The following SLC25A11 variants were observed in gnomAD, a reference collection of about 807,000 sequenced individuals.
SLC25A11 encodes the protein solute carrier family 25 member 11.
A neutral mutation model predicts 32.7 loss-of-function variants in SLC25A11; 11 were observed. That is an observed-to-expected ratio of 0.34 (90% confidence interval 0.21 to 0.56). The LOEUF (loss-of-function observed/expected upper bound fraction) is 0.56. SLC25A11 is among the 20% of genes least tolerant of loss of function. The probability of loss-of-function intolerance (pLI) is 0.90; values close to 1 mark genes in which losing one functional copy is unlikely to be tolerated. For synonymous variants in SLC25A11, 163 were observed against 168.3 expected, an observed-to-expected ratio of 0.97 and a Z score of 0.24; for missense variants, 295 against 426.3, an observed-to-expected ratio of 0.69 and a Z score of 2.71.
In SLC25A11 at chr17:4,938,453, A is replaced by C; in HGVS notation, c.547-24T>G. 6.2e-7 allele frequency: 1 copy of C among 1,614,020 alleles called. No homozygotes were observed. The highest frequency in any genetic ancestry group is 8.5e-7 in the Non-Finnish European group (1 of 1,179,932). On this transcript the variant is annotated intron_variant, in intron 4 of 7. Coordinates refer to ENST00000225665, the MANE Select transcript of SLC25A11 (RefSeq NM_003562.5). The surrounding 1 kb of genome is among the most constrained non-coding windows in gnomAD (Gnocchi z 7.6). ...CCCTGGAGGGAGGGGAGCGGGGAAGAGTCAGAAACCCCTAAAACCAGACCT... is the reference window on the plus strand; with the variant it reads ...CCCTGGAGGGAGGGGAGCGGGGAAGCGTCAGAAACCCCTAAAACCAGACCT...
Position 4,937,547 on chromosome 17 carries a change from G to A in SLC25A11, c.*194C>T, listed in dbSNP as rs886830901. ...TCCAGCTCCCTGCAAGAATAGCCAA[G>A]GACAGAGAAATCACAGGATCAGGAC... is the stretch of plus-strand genomic sequence containing the variant. On this transcript the variant is annotated 3_prime_UTR_variant, in exon 8 of 8. Transcript: ENST00000225665. 8 of 574,316 alleles carry A rather than the reference G, an allele frequency of 1.4e-5. No homozygotes were observed. Among genetic ancestry groups the A allele is most frequent in the Admixed American group, 1.1e-4 (3 of 27,500 alleles). The allele number at this position is 574,316 out of a possible 1,614,324, so 35.6% of individuals were successfully genotyped here.
In SLC25A11 at chr17:4,937,714, G is replaced by A. The variant is rs751228722; in HGVS notation, c.*27C>T. The stretch of plus-strand genomic sequence containing the variant: ...CCAGGGCGCAGTGGCTATAGGCGCA[G>A]CAGGCGAGTGGGAGCCCCCGGCCGC... On this transcript the variant is annotated 3_prime_UTR_variant, in exon 8 of 8. Coordinates refer to ENST00000225665, the MANE Select transcript of SLC25A11 (RefSeq NM_003562.5). 6.3e-7 allele frequency: 1 copy of A among 1,585,450 alleles called. No individual in the cohort carries two copies. The highest frequency in any genetic ancestry group is 8.6e-7 in the Non-Finnish European group (1 of 1,166,152).
chr17:4,938,726 T>G lies in SLC25A11; in HGVS notation c.455+43A>C. The G allele has an allele frequency of 6.3e-7, 1 of 1,596,702 alleles. No individual in the cohort carries two copies. Among genetic ancestry groups the G allele is most frequent in the Non-Finnish European group, 8.6e-7 (1 of 1,167,246 alleles). ...AAAAACTGGTCCTTTCATTCTAGAT[T>G]CGAGGGAATGGGGCTGGGGTTAGGT... On this transcript the variant is annotated intron_variant, in intron 3 of 7. Transcript: ENST00000225665. The surrounding 1 kb of genome is among the most constrained non-coding windows in gnomAD (Gnocchi z 7.6).
chr17:4,938,373 G>A lies in SLC25A11; in HGVS notation c.603C>T (p.Ser201=). The change falls in exon 5 of 8, where the codon TCC becomes TCT. Residue 201 remains serine (S), a synonymous_variant. Coordinates refer to ENST00000225665, the MANE Select transcript of SLC25A11 (RefSeq NM_003562.5). This position sits in a 1 kb window ranked among gnomAD's most constrained non-coding sequence, Gnocchi z 7.6. ...GTAAGAACTGCTTGGATTGGGAGTA[G>A]GAGGCGAGCTGGGCAGCATTGACGA... ...AVVVNAAQLA[S]YSQSKQFLLD... The A allele has an allele frequency of 6.2e-7, 1 of 1,614,152 alleles. No individual in the cohort carries two copies. The highest frequency in any genetic ancestry group is 2.2e-5 in the East Asian group (1 of 44,876).
rs765908200 is a variant in SLC25A11, at chr17:4,937,713, A to C, written c.*28T>G. On this transcript the variant is annotated 3_prime_UTR_variant, in exon 8 of 8. Coordinates refer to ENST00000225665, the MANE Select transcript of SLC25A11 (RefSeq NM_003562.5). The stretch of plus-strand genomic sequence containing the variant: ...CCCAGGGCGCAGTGGCTATAGGCGC[A>C]GCAGGCGAGTGGGAGCCCCCGGCCG... 20 of 1,584,826 alleles carry C rather than the reference A, an allele frequency of 1.3e-5. No homozygotes were observed. The highest frequency in any genetic ancestry group is 1.6e-5 in the Non-Finnish European group (19 of 1,165,964).
Position 4,938,139 on chromosome 17 carries a change from A to T in SLC25A11, c.737+15T>A. 1 of 1,614,098 alleles carries T rather than the reference A, an allele frequency of 6.2e-7. No homozygotes were observed. The highest frequency in any genetic ancestry group is 8.5e-7 in the Non-Finnish European group (1 of 1,179,948). ...CACCCTCCCACCCACCTCCAGGCCC[A>T]GGCTGCACACTCACCGGGTCTTGGC... On this transcript the variant is annotated intron_variant, in intron 6 of 7. Coordinates refer to ENST00000225665, the MANE Select transcript of SLC25A11 (RefSeq NM_003562.5). The surrounding 1 kb of genome is among the most constrained non-coding windows in gnomAD (Gnocchi z 7.6).
At position 4,937,822 on chromosome 17, in the gene SLC25A11, G is replaced by A; in HGVS notation, c.864C>T (p.Arg288=). 1 of 1,614,208 alleles carries A rather than the reference G, an allele frequency of 6.2e-7. No individual in the cohort carries two copies. Among genetic ancestry groups the A allele is most frequent in the East Asian group, 2.2e-5 (1 of 44,892 alleles). ...AGGTGAGGACGGTGTGGGGGCCCAGGCGGGCATAGTACGGCGTGAAGCCCT... is the reference window on the plus strand; with the variant it reads ...AGGTGAGGACGGTGTGGGGGCCCAGACGGGCATAGTACGGCGTGAAGCCCT... ...LWKGFTPYYA[R]LGPHTVLTFI... Residue 288 remains arginine (R), a synonymous_variant, in exon 8 of 8, where the codon CGC becomes CGT. Transcript: ENST00000225665.
In SLC25A11 at chr17:4,939,845, G is replaced by C. The variant is rs185637894; in HGVS notation, c.66C>G (p.Ser22=). 5 of 1,612,740 alleles carry C rather than the reference G, an allele frequency of 3.1e-6. No individual in the cohort carries two copies. The highest frequency in any genetic ancestry group is 4.2e-6 in the Non-Finnish European group (5 of 1,179,688). The change falls in exon 1 of 8, where the codon TCC becomes TCG. Residue 22 remains serine (S), a synonymous_variant. Coordinates refer to ENST00000225665, the MANE Select transcript of SLC25A11 (RefSeq NM_003562.5). The surrounding 1 kb of genome is among the most constrained non-coding windows in gnomAD (Gnocchi z 4.1). ...IDGKPRTSPK[S]VKFLFGGLAG... is the part of the protein sequence containing the mutation. ...CCAGGCCCCCAAACAGGAACTTGAC[G>C]GACTTAGGGGAGGTACGGGGCTTCC...
chr17:4,940,033 A>G lies in SLC25A11; in HGVS notation c.-123T>C. ...CGCCCCTCCAGCTCTCAGGTCCGAC[A>G]CCCGCTGGAAGCCGGCGCGGGCGCA... On this transcript the variant is annotated 5_prime_UTR_variant, in exon 1 of 8. Coordinates refer to ENST00000225665, the MANE Select transcript of SLC25A11 (RefSeq NM_003562.5). The G allele has an allele frequency of 1.7e-6, 1 of 602,122 alleles. No homozygotes were observed. 37.3% of individuals were successfully genotyped at this position (602,122 alleles called of 1,614,324 possible). A position where few individuals can be genotyped will look rare whatever the true frequency, so the allele number is the denominator to read the frequency against.
chr17:4,937,606 A>G lies in SLC25A11; in HGVS notation c.*135T>C. 9.3e-7 allele frequency: 1 copy of G among 1,069,602 alleles called. No homozygotes were observed. Among genetic ancestry groups the G allele is most frequent in the Non-Finnish European group, 1.3e-6 (1 of 752,552 alleles). 66.3% of individuals were successfully genotyped at this position (1,069,602 alleles called of 1,614,324 possible). On this transcript the variant is annotated 3_prime_UTR_variant, in exon 8 of 8. Transcript: ENST00000225665. ...CAAGCTGGAGCAGGGGGTAGAACAGACCAAGTCCTTTACCGCAGAGGAAGA... is the reference window on the plus strand; with the variant it reads ...CAAGCTGGAGCAGGGGGTAGAACAGGCCAAGTCCTTTACCGCAGAGGAAGA...
chr17:4,937,983 T>TCCGA (rs749698059), intron 7 of SLC25A11, 40 bp downstream of exon 7: 1 of 1,613,410 alleles, frequency 6.2e-7, no homozygotes, highest in South Asian at 1.1e-5. Context: ...TCCCAGGGGA[T>TCCGA]CCGACACCCC....
chr17:4,938,425 C>T lies in SLC25A11; in HGVS notation c.551G>A (p.Cys184Tyr). 1 of 1,614,170 alleles carries T rather than the reference C, an allele frequency of 6.2e-7. No homozygotes were observed. Among genetic ancestry groups the T allele is most frequent in the Non-Finnish European group, 8.5e-7 (1 of 1,180,028 alleles). Reference protein sequence around the residue: ...EEGVLTLWRGCIPTMARAVVV... With the variant: ...EEGVLTLWRGYIPTMARAVVV... The stretch of plus-strand genomic sequence containing the variant: ...GACGGCCCGAGCCATGGTAGGGATG[C>T]AGCCCTGGAGGGAGGGGAGCGGGGA... Residue 184 changes from cysteine (C) to tyrosine (Y), a missense_variant, in exon 5 of 8, where the codon TGC becomes TAC. Transcript: ENST00000225665. The surrounding 1 kb of genome is among the most constrained non-coding windows in gnomAD (Gnocchi z 7.6).
chr17:4,937,594 G>T lies in SLC25A11; in HGVS notation c.*147C>A, dbSNP rs1233945149. 2 of 871,360 alleles carry T rather than the reference G, an allele frequency of 2.3e-6. No individual in the cohort carries two copies. The highest frequency in any genetic ancestry group is 3.4e-6 in the Non-Finnish European group (2 of 592,244). 54.0% of individuals were successfully genotyped at this position (871,360 alleles called of 1,614,324 possible). A position where few individuals can be genotyped will look rare whatever the true frequency, so the allele number is the denominator to read the frequency against. The stretch of plus-strand genomic sequence containing the variant: ...GGACGAGCAGGGCAAGCTGGAGCAG[G>T]GGGTAGAACAGACCAAGTCCTTTAC... On this transcript the variant is annotated 3_prime_UTR_variant, in exon 8 of 8. Transcript: ENST00000225665.
chr17:4,937,405 G>T lies in SLC25A11; in HGVS notation c.*336C>A. On this transcript the variant is annotated 3_prime_UTR_variant, in exon 8 of 8. Coordinates refer to ENST00000225665, the MANE Select transcript of SLC25A11 (RefSeq NM_003562.5). ...CCCTTTGACCATCTTGATGGCTTCT[G>T]CTCCTCCCTGTCCCCTCAGCTCTGC... 1 of 197,044 alleles carries T rather than the reference G, an allele frequency of 5.1e-6. No homozygotes were observed. Among genetic ancestry groups the T allele is most frequent in the Non-Finnish European group, 1.0e-5 (1 of 97,546 alleles). The allele number at this position is 197,044 out of a possible 1,614,324, so 12.2% of individuals were successfully genotyped here. A position where few individuals can be genotyped will look rare whatever the true frequency, so the allele number is the denominator to read the frequency against.
chr17:4,938,300 G>A lies in SLC25A11; in HGVS notation c.637+39C>T. 3.7e-6 allele frequency: 6 copies of A among 1,613,494 alleles called. No homozygotes were observed. The highest frequency in any genetic ancestry group is 5.1e-6 in the Non-Finnish European group (6 of 1,179,566). On this transcript the variant is annotated intron_variant, in intron 5 of 7. Coordinates refer to ENST00000225665, the MANE Select transcript of SLC25A11 (RefSeq NM_003562.5). The surrounding 1 kb of genome is among the most constrained non-coding windows in gnomAD (Gnocchi z 7.6). ...TGGCAGTCAGCTCAGAGGTGGCTCA[G>A]GCCAGGCTGGGAACTAAGGGCCCAG...
chr17:4,939,080 G>T lies in SLC25A11; in HGVS notation c.228C>A (p.Gly76=), dbSNP rs915373330. ...AATACCCAGTGTAAATGCCCCTCAG[G>T]CCTTCTGCCTTCAGGATACTGGTGA... The part of the protein sequence containing the change: ...HALTSILKAE[G]LRGIYTGLSA... Residue 76 remains glycine, a synonymous_variant, in exon 2 of 8, where the codon GGC becomes GGA. Transcript: ENST00000225665. This position sits in a 1 kb window ranked among gnomAD's most constrained non-coding sequence, Gnocchi z 4.1. 1.2e-6 allele frequency: 2 copies of T among 1,614,214 alleles called. No individual in the cohort carries two copies. The highest frequency in any genetic ancestry group is 1.7e-6 in the Non-Finnish European group (2 of 1,180,032).
Position 4,937,745 on chromosome 17 carries a change from C to T in SLC25A11, c.941G>A (p.Gly314Asp). The T allele has an allele frequency of 6.2e-7, 1 of 1,606,550 alleles. No homozygotes were observed. Among genetic ancestry groups the T allele is most frequent in the Non-Finnish European group, 8.5e-7 (1 of 1,176,514 alleles). Residue 314 changes from glycine to aspartate, a missense_variant, in exon 8 of 8, where the codon GGC (glycine) becomes GAC (aspartate). Physicochemically the swap from Gly to Asp is moderately conservative, Grantham distance 94. Around this residue, in one of 3 missense-constraint regions of SLC25A11, gnomAD observed 142 missense variants for 197.8 expected, o/e 0.72. Transcript: ENST00000225665. ...NKAYKRLFLS[G>D] ...GAGTGGGAGCCCCCGGCCGCTTCAG[C>T]CACTGAGGAAGAGACGCTTGTAGGC...
rs534032773 is a variant in SLC25A11, at chr17:4,939,835, G to C, written c.76C>G (p.Leu26Val). The C allele has an allele frequency of 1.6e-5, 25 of 1,612,670 alleles. No individual in the cohort carries two copies. Among genetic ancestry groups the C allele is most frequent in the Admixed American group, 1.0e-4 (6 of 59,962 alleles). ...GCTTACCCGGCCAGGCCCCCAAACA[G>C]GAACTTGACGGACTTAGGGGAGGTA... is the stretch of plus-strand genomic sequence containing the variant. ...PRTSPKSVKF[L>V]FGGLAGMGAT... The change falls in exon 1 of 8, where the codon CTG becomes GTG. Residue 26 changes from leucine to valine, a missense_variant. By Grantham distance (32) the Leu-to-Val change is conservative. This residue lies in a region of SLC25A11 where 104 missense variants were observed against 121.5 expected (regional missense o/e 0.86). Coordinates refer to ENST00000225665, the MANE Select transcript of SLC25A11 (RefSeq NM_003562.5). The surrounding 1 kb of genome is among the most constrained non-coding windows in gnomAD (Gnocchi z 4.1).
Position 4,937,674 on chromosome 17 carries a change from G to A in SLC25A11, c.*67C>T. 6.6e-7 allele frequency: 1 copy of A among 1,506,598 alleles called. No individual in the cohort carries two copies. Among genetic ancestry groups the A allele is most frequent in the Non-Finnish European group, 8.9e-7 (1 of 1,122,638 alleles). 93.3% of individuals were successfully genotyped at this position (1,506,598 alleles called of 1,614,324 possible). ...GAAATAAATAGAGGGGTCCAGGGCA[G>A]CAGAGCCCAGGCCCCCAGGGCGCAG... On this transcript the variant is annotated 3_prime_UTR_variant, in exon 8 of 8. Coordinates refer to ENST00000225665, the MANE Select transcript of SLC25A11 (RefSeq NM_003562.5).
Sources: gnomAD v4.1 joint callset for allele counts on GRCh38, gnomAD v4.1.1 for gene constraint, gnomAD v4.1.1 regional missense constraint, Gnocchi (gnomAD v3.1) non-coding constraint, MANE v1.5 for transcripts, NCBI Gene and HGNC (gene_info 2026-07-23, HGNC 2026-07-21) for gene names.